The following SPSB3 variants were observed in gnomAD, a reference collection of about 807,000 sequenced individuals.
The protein encoded by SPSB3 is splA/ryanodine receptor domain and SOCS box containing 3, also known as SPRY domain-containing SOCS box protein 3.
A neutral mutation model predicts 29.5 loss-of-function variants in SPSB3; 18 were observed. The observed-to-expected ratio is 0.61, with a 90% CI of 0.42 to 0.91. The LOEUF (loss-of-function observed/expected upper bound fraction) is 0.91. Ranked by LOEUF, SPSB3 falls within the 40% of genes least tolerant of loss-of-function variation. The pLI is 0.00. For synonymous variants in SPSB3, 299 were observed against 214.1 expected, an observed-to-expected ratio of 1.40 and a Z score of -3.46; for missense variants, 540 against 507.5, an observed-to-expected ratio of 1.06 and a Z score of -0.61.
intron 4 of SPSB3, 22 bp from the exon 5 acceptor site, chr16:1,778,070 A>C (rs759985124): frequency 6.2e-7 from 1 of 1,613,030 alleles, no homozygotes; most frequent in African/African-American, 1.3e-5. Context: ...GGCCAGGCAG[A>C]GGGCGCGGGG....
At position 1,777,210 on chromosome 16, in the gene SPSB3, T is replaced by G. The variant is rs1162946677; in HGVS notation, c.955A>C (p.Met319Leu). 6.2e-7 allele frequency: 1 copy of G among 1,610,396 alleles called. No homozygotes were observed. The highest frequency in any genetic ancestry group is 1.3e-5 in the African/African-American group (1 of 74,872). Reference sequence around the variant, plus strand: ...GGAGCCTTGCGGCGGCTGCAACTCATGCTCAGGACCCAGCCCAGCTTGTTG... The same window carrying G: ...GGAGCCTTGCGGCGGCTGCAACTCAGGCTCAGGACCCAGCCCAGCTTGTTG... ...LHNKLGWVLSMSCSRRKAPVS... is the reference protein window; with the variant it reads ...LHNKLGWVLSLSCSRRKAPVS... Residue 319 changes from methionine to leucine, a missense_variant, in exon 7 of 7, where the codon ATG (methionine) becomes CTG (leucine). Transcript: ENST00000566339.
Position 1,776,970 on chromosome 16 carries a change from T to C in SPSB3, c.*127A>G, listed in dbSNP as rs907489915. 1.6e-5 allele frequency: 17 copies of C among 1,084,106 alleles called. No individual in the cohort carries two copies. In the African/African-American group the frequency reaches 1.7e-4, roughly 11 times the overall value. 67.2% of individuals were successfully genotyped at this position (1,084,106 alleles called of 1,614,324 possible). On this transcript the variant is annotated 3_prime_UTR_variant, in exon 7 of 7. Coordinates refer to ENST00000566339, the MANE Select transcript of SPSB3 (RefSeq NM_080861.4). ...CTGTCCCAGCCTCGGGAGCAAGAGA[T>C]GGCTCCCTCCGGACGGGCCTCATCC...
At chr16:1,781,277 G>C in intron 2 of SPSB3, 81 bp downstream of exon 2, 1 of 1,611,416 alleles carries the variant, frequency 6.2e-7, no homozygotes, top group Non-Finnish European at 8.5e-7. Context: ...CTGATTCCGT[G>C]TTCAGGTAAT....
Position 1,778,278 on chromosome 16 carries a change from G to C in SPSB3, c.348C>G (p.Thr116=). The C allele has an allele frequency of 3.1e-6, 5 of 1,612,746 alleles. No individual in the cohort carries two copies. Among genetic ancestry groups the C allele is most frequent in the Non-Finnish European group, 3.4e-6 (4 of 1,180,008 alleles). The change falls in exon 4 of 7, where the codon ACC becomes ACG. Residue 116 remains threonine, a synonymous_variant. Transcript: ENST00000566339. ...CCTTACGGTTGTCACAGCTCAGCAG[G>C]GTGGCTGATGACTTATTTAAGTCAT... The part of the protein sequence containing the change: ...VWDDLNKSSA[T]LLSCDNRKVS...
In SPSB3 at chr16:1,777,085, C is replaced by T; in HGVS notation, c.*12G>A. The T allele has an allele frequency of 6.2e-7, 1 of 1,608,240 alleles. No individual in the cohort carries two copies. The highest frequency in any genetic ancestry group is 8.5e-7 in the Non-Finnish European group (1 of 1,177,144). On this transcript the variant is annotated 3_prime_UTR_variant, in exon 7 of 7. Coordinates refer to ENST00000566339, the MANE Select transcript of SPSB3 (RefSeq NM_080861.4). ...GTCCCAGCCCAAGAAGGCAGTTCCA[C>T]TGGGAAGTCAGTCAGGTCCGGCGGC...
In SPSB3 at chr16:1,777,759, T is replaced by C. The variant is rs1173137867; in HGVS notation, c.709A>G (p.Arg237Gly). ...GTGACGGCCTCACCTATACACTTCC[T>C]GTTCTTGAAAAAGGTGAGTGTGCCG... The part of the protein sequence containing the change: ...WHGTLTFFKN[R>G]KCIGVAATKL... The change falls in exon 6 of 7, where the codon AGG becomes GGG. Residue 237 changes from arginine to glycine, a missense_variant. By Grantham distance (125) the Arg-to-Gly change is moderately radical. Coordinates refer to ENST00000566339, the MANE Select transcript of SPSB3 (RefSeq NM_080861.4). The C allele has an allele frequency of 6.2e-7, 1 of 1,612,390 alleles. No individual in the cohort carries two copies. Among genetic ancestry groups the C allele is most frequent in the Non-Finnish European group, 8.5e-7 (1 of 1,179,898 alleles).
At position 1,777,875 on chromosome 16, in the gene SPSB3, G is replaced by A. The variant is rs984569417; in HGVS notation, c.596-3C>T. The A allele has an allele frequency of 1.9e-6, 3 of 1,612,130 alleles. No homozygotes were observed. The East Asian group carries it at 6.7e-5, about 36-fold the overall frequency. ...GTCGCCCTTGTGGTGGAGGAGGCCT[G>A]GGGGCAGCCAGGGTCGCAGTGAGCC... On this transcript the variant is annotated splice_polypyrimidine_tract_variant and splice_region_variant and intron_variant, in intron 5 of 6. Coordinates refer to ENST00000566339, the MANE Select transcript of SPSB3 (RefSeq NM_080861.4).
In SPSB3 at chr16:1,777,902, G is replaced by C. The variant is rs552189438; in HGVS notation, c.596-30C>G. On this transcript the variant is annotated intron_variant, in intron 5 of 6. Transcript: ENST00000566339. ...GGGCAGCCAGGGTCGCAGTGAGCCC[G>C]GGAGCTCCAGGCTCGGCCCCGCCCC... 9.9e-6 allele frequency: 16 copies of C among 1,611,596 alleles called. No homozygotes were observed. The East Asian group carries it at 2.7e-4, about 27-fold the overall frequency.
chr16:1,781,523 AG>A, intron 1 of SPSB3, 28 bp from the exon 2 acceptor site: 1 of 1,602,552 alleles, frequency 6.2e-7, no homozygotes, highest in Non-Finnish European at 8.5e-7. Flanking sequence ...CTCTGGGCAA[AG>A]GAAGACTCAC....
Position 1,777,929 on chromosome 16 carries a change from C to A in SPSB3, c.595+17G>T. The A allele has an allele frequency of 6.2e-7, 1 of 1,612,426 alleles. No homozygotes were observed. The highest frequency in any genetic ancestry group is 8.5e-7 in the Non-Finnish European group (1 of 1,179,836). On this transcript the variant is annotated intron_variant, in intron 5 of 6. Coordinates refer to ENST00000566339, the MANE Select transcript of SPSB3 (RefSeq NM_080861.4). ...GAGCTCCAGGCTCGGCCCCGCCCCACCCTGGGCCTCACGCACCCGTGTAGG... is the reference window on the plus strand; with the variant it reads ...GAGCTCCAGGCTCGGCCCCGCCCCAACCTGGGCCTCACGCACCCGTGTAGG...
rs370198184 is a variant in SPSB3, at chr16:1,778,412, C to G, written c.304+23G>C. The stretch of plus-strand genomic sequence containing the variant: ...AGGCCCGCCCGCAGTGCAGTCCCAG[C>G]AGGGGCTGGGCCCCACGCTCACACT... On this transcript the variant is annotated intron_variant, in intron 3 of 6. Coordinates refer to ENST00000566339, the MANE Select transcript of SPSB3 (RefSeq NM_080861.4). 41 of 1,605,796 alleles carry G rather than the reference C, an allele frequency of 2.6e-5. No individual in the cohort carries two copies. In the African/African-American group the frequency reaches 2.9e-4, roughly 12 times the overall value.
rs762523870 is a variant in SPSB3 at position 1,778,577 on chromosome 16, C to A, written c.162G>T (p.Thr54=). 1.9e-6 allele frequency: 3 copies of A among 1,591,044 alleles called. No homozygotes were observed. The highest frequency in any genetic ancestry group is 3.4e-5 in the Admixed American group (2 of 58,618). ...CCGCACTGGGGATGGATGGCGGCAG[C>A]GTGGAGTACTCGGGGTCGGAGTCCG... ...SDSDSDPEYS[T]LPPSIPSAVP... The change falls in exon 3 of 7, where the codon ACG becomes ACT. Residue 54 remains threonine (T), a synonymous_variant. Coordinates refer to ENST00000566339, the MANE Select transcript of SPSB3 (RefSeq NM_080861.4).
At chr16:1,777,544 G>A in intron 6 of SPSB3, 101 bp from the exon 7 acceptor site, 1 of 1,373,926 alleles carries the variant, frequency 7.3e-7, no homozygotes, top group Non-Finnish European at 9.6e-7. Context: ...GTGGGCAGCT[G>A]GCACAGCTGA....
In SPSB3 at chr16:1,777,444, C is replaced by CTT; in HGVS notation, c.722-2_722-1insAA. On this transcript the variant is annotated splice_acceptor_variant, in intron 6 of 6. Transcript: ENST00000566339. LOFTEE classifies it high-confidence loss of function. ...TTCTGCAGCTTGGTGGCTGCCACAC[C>CTT]TGGAAGGGAGGGGCCCAGCCTGAAC... The CTT allele has an allele frequency of 4.6e-6, 7 of 1,507,988 alleles. No individual in the cohort carries two copies. Among genetic ancestry groups the CTT allele is most frequent in the Non-Finnish European group, 6.2e-6 (7 of 1,129,408 alleles). The allele number at this position is 1,507,988 out of a possible 1,614,324, so 93.4% of individuals were successfully genotyped here.
chr16:1,781,181 A>G (rs1896693216), intron 2 of SPSB3, 177 bp downstream of exon 2: 2 of 1,538,118 alleles, frequency 1.3e-6, no homozygotes, highest in South Asian at 1.2e-5. Context: ...TTGCCAAATT[A>G]AAGAGTCTTA....
At position 1,778,040 on chromosome 16, in the gene SPSB3, G is replaced by A. The variant is rs2042740209; in HGVS notation, c.501C>T (p.Gly167=). ...SPVYGTDMMV[G]IGTSDVDLDK... ...CCAGGTCCACATCCGACGTCCCGAT[G>A]CCCACCATCTAGGAACAGGGGCCAG... Residue 167 remains glycine, a synonymous_variant, in exon 5 of 7, where the codon GGC becomes GGT. Transcript: ENST00000566339. 6.2e-7 allele frequency: 1 copy of A among 1,613,192 alleles called. No homozygotes were observed. The highest frequency in any genetic ancestry group is 1.1e-5 in the South Asian group (1 of 91,084).
chr16:1,778,474 G>A lies in SPSB3; in HGVS notation c.265C>T (p.His89Tyr). The change falls in exon 3 of 7, where the codon CAC (histidine) becomes TAC (tyrosine). Residue 89 changes from histidine (H) to tyrosine (Y), a missense_variant. Coordinates refer to ENST00000566339, the MANE Select transcript of SPSB3 (RefSeq NM_080861.4). ...ASFCSSLHSA[H>Y]RGRDCRCGEE... ...CCGCAGCGGCAGTCCCTGCCCCGGT[G>A]GGCCGAGTGCAGGCTGCTACAGAAG... is the stretch of plus-strand genomic sequence containing the variant. 1 of 1,611,518 alleles carries A rather than the reference G, an allele frequency of 6.2e-7. No individual in the cohort carries two copies. The highest frequency in any genetic ancestry group is 1.3e-5 in the African/African-American group (1 of 75,046).
chr16:1,781,686 G>T (rs1429581008), intron 1 of SPSB3, 191 bp from the exon 2 acceptor site: 6 of 605,658 alleles, frequency 9.9e-6, no homozygotes, highest in Non-Finnish European at 1.7e-5. Context: ...AACCCAGGTA[G>T]ATCCTGTGAA....
rs956227138 is a variant in SPSB3, at chr16:1,776,772, G to A, written c.*325C>T. ...CCTTTAAGTCTATGACGGCGGGGCA[G>A]CCGCTGACAGCATGCAGAGCAAGTT... On this transcript the variant is annotated 3_prime_UTR_variant, in exon 7 of 7. Coordinates refer to ENST00000566339, the MANE Select transcript of SPSB3 (RefSeq NM_080861.4). 3 of 444,042 alleles carry A rather than the reference G, an allele frequency of 6.8e-6. No homozygotes were observed. Among genetic ancestry groups the A allele is most frequent in the Non-Finnish European group, 1.2e-5 (3 of 247,160 alleles). 27.5% of individuals were successfully genotyped at this position (444,042 alleles called of 1,614,324 possible).
Sources: allele counts gnomAD v4.1 joint callset, GRCh38; gene constraint gnomAD v4.1.1; transcripts MANE v1.5; gene names NCBI Gene and HGNC (gene_info 2026-07-23, HGNC 2026-07-21).